PPFIA2: variants seen among roughly 807,000 people sequenced by gnomAD.
The protein encoded by PPFIA2 is liprin-alpha-2.
Under a neutral mutation model 175.5 loss-of-function variants are expected in PPFIA2, and 46 were observed. That is an observed-to-expected ratio of 0.26 (90% CI 0.21 to 0.34). PPFIA2 has a LOEUF of 0.34. Ranked by LOEUF, PPFIA2 falls within the 10% of genes least tolerant of loss-of-function variation. PPFIA2 has a pLI of 1.00. For missense variants in PPFIA2, 1,179 were observed against 1,506.1 expected, an observed-to-expected ratio of 0.78 and a Z score of 3.60; for synonymous variants, 568 against 511.4, an observed-to-expected ratio of 1.11 and a Z score of -1.49.
At chr12:81,325,719 A>C (rs900714369) in intron 22 of PPFIA2, 58 bp downstream of exon 22, 1 of 1,223,042 alleles carries the variant, frequency 8.2e-7, no homozygotes. Context: ...AATTCCCTAT[A>C]AATAATAATA....
At chr12:81,421,547 C>A (rs1462649395) in intron 7 of PPFIA2, among the ~76,000 whole-genome samples, 2 of 150,528 alleles carry the variant, frequency 1.3e-5, no homozygotes, top group Non-Finnish European at 3.0e-5. Context: ...ATAAAATATA[C>A]AAGAAGAAAA....
intron 4 of PPFIA2, among the ~76,000 whole-genome samples, chr12:81,653,301 C>A (rs895158627): frequency 6.6e-6 from 1 of 152,126 alleles, no homozygotes; most frequent in African/African-American, 2.4e-5. Flanking sequence ...CACTCCAATA[C>A]CATTTTATGC....
chr12:81,297,873 T>TA (rs1194029839), intron 23 of PPFIA2, among the ~76,000 whole-genome samples: 1 of 152,226 alleles, frequency 6.6e-6, no homozygotes, highest in Non-Finnish European at 1.5e-5. Flanking sequence ...GAGATGAAGT[T>TA]AAAGTTTCAT....
chr12:81,366,070 C>T (rs1305043784), intron 14 of PPFIA2, among the ~76,000 whole-genome samples: 2 of 141,064 alleles, frequency 1.4e-5, no homozygotes, highest in Non-Finnish European at 3.1e-5. Context: ...CTTCCCTTCC[C>T]TCCCTTCTTT....
At chr12:81,330,007 C>T (rs1301885582) in intron 21 of PPFIA2, among the ~76,000 whole-genome samples, 2 of 152,062 alleles carry the variant, frequency 1.3e-5, no homozygotes, top group Non-Finnish European at 1.5e-5. Flanking sequence ...GCTCAGGGCA[C>T]AGGAAGGAAA....
chr12:81,594,110 A>G (rs1177875515), intron 4 of PPFIA2, among the ~76,000 whole-genome samples: 1 of 152,020 alleles, frequency 6.6e-6, no homozygotes, highest in Admixed American at 6.6e-5. Context: ...CCTTACAGAA[A>G]TCTCATGCCT....
intron 7 of PPFIA2, among the ~76,000 whole-genome samples, chr12:81,412,082 A>G (rs1236783635): frequency 1.3e-5 from 2 of 151,964 alleles, no homozygotes; most frequent in East Asian, 3.9e-4. Context: ...AGAGAGGTAA[A>G]ACATCAGTGC....
intron 4 of PPFIA2, among the ~76,000 whole-genome samples, chr12:81,628,531 C>G (rs1164626572): frequency 6.6e-6 from 1 of 151,984 alleles, no homozygotes; most frequent in Non-Finnish European, 1.5e-5. Context: ...CATGCACCAC[C>G]ATGTCTGGCT....
At chr12:81,371,315 ATT>A (rs372760854) in intron 11 of PPFIA2, among the ~76,000 whole-genome samples, 1 of 142,420 alleles carries the variant, frequency 7.0e-6, no homozygotes, top group Non-Finnish European at 1.5e-5. Context: ...TATTATTTAA[ATT>A]TTAGAGTAAG....
At chr12:81,265,703 G>A (rs1272678765) in intron 30 of PPFIA2, among the ~76,000 whole-genome samples, 17 of 152,204 alleles carry the variant, frequency 1.1e-4, no homozygotes, top group East Asian at 9.6e-4. Context: ...ACAACGAGTC[G>A]CATCTCGTTT....
chr12:81,467,608 T>C lies in PPFIA2; in HGVS notation c.304-9742A>G, dbSNP rs140776650. ...ATTATTTGAACATTTGATGACACCA[T>C]GTCATGTCAGTGTGTCCTTTATCTT... On this transcript the variant is annotated intron_variant, in intron 4 of 32. Transcript: ENST00000549396. 5.3e-5 allele frequency among the ~76,000 whole-genome samples: 8 copies of C among 152,330 alleles called. No individual in the cohort carries two copies. The South Asian group carries it at 1.4e-3, about 28-fold the overall frequency.
chr12:81,336,092 A>C (rs1402870253), intron 21 of PPFIA2, among the ~76,000 whole-genome samples: 1 of 152,198 alleles, frequency 6.6e-6, no homozygotes, highest in African/African-American at 2.4e-5. Flanking sequence ...ATAATAATCT[A>C]AATAAGAACT....
intron 4 of PPFIA2, among the ~76,000 whole-genome samples, chr12:81,519,988 T>C (rs2062922389): frequency 6.6e-6 from 1 of 152,196 alleles, no homozygotes; most frequent in African/African-American, 2.4e-5. Context: ...TAATAAAAGT[T>C]ATGTGGATGT....
chr12:81,716,059 C>T (rs1010663035), intron 3 of PPFIA2, among the ~76,000 whole-genome samples: 13 of 151,180 alleles, frequency 8.6e-5, no homozygotes, highest in African/African-American at 3.2e-4. Flanking sequence ...TTCAGAAATA[C>T]TTTGTTTTAA....
intron 22 of PPFIA2, among the ~76,000 whole-genome samples, chr12:81,304,212 C>T (rs74103953): frequency 0.023 from 3,495 of 152,222 alleles, 144 homozygotes; most frequent in African/African-American, 0.081. Context: ...TTTTATGTTT[C>T]ATTGAATTTG....
At chr12:81,487,708 A>G (rs2058983124) in intron 4 of PPFIA2, among the ~76,000 whole-genome samples, 1 of 151,788 alleles carries the variant, frequency 6.6e-6, no homozygotes, top group African/African-American at 2.4e-5. Context: ...GGATTCTTTC[A>G]CAGTCAATTC....
intron 8 of PPFIA2, among the ~76,000 whole-genome samples, chr12:81,387,176 A>T (rs921418554): frequency 6.6e-5 from 10 of 152,126 alleles, no homozygotes; most frequent in Non-Finnish European, 1.3e-4. Flanking sequence ...GGAAAAAAAA[A>T]TACTTATCAC....
At chr12:81,718,741 T>A (rs941481033) in intron 3 of PPFIA2, among the ~76,000 whole-genome samples, 1 of 151,672 alleles carries the variant, frequency 6.6e-6, no homozygotes, top group Non-Finnish European at 1.5e-5. Context: ...CTACAGATTA[T>A]GTTCATTTGT....
intron 4 of PPFIA2, among the ~76,000 whole-genome samples, chr12:81,634,674 T>A (rs1204027659): frequency 1.3e-5 from 2 of 152,116 alleles, no homozygotes; most frequent in Non-Finnish European, 2.9e-5. Flanking sequence ...ATTATTTGAA[T>A]TATCATAATT....
Sources: gnomAD v4.1 joint callset for allele counts (sites outside exome capture counted in the v4.1 genomes callset) on GRCh38, gnomAD v4.1.1 for gene constraint, MANE v1.5 for transcripts, NCBI Gene and HGNC (gene_info 2026-07-23, HGNC 2026-07-21) for gene names.